RBFOX1: variants seen among roughly 807,000 people sequenced by gnomAD.
RBFOX1 encodes RNA binding fox-1 homolog 1.
In RBFOX1, 8 loss-of-function variants were observed where a neutral mutation model predicts 57.7. That is an observed-to-expected ratio of 0.14 (90% CI 0.08 to 0.25). RBFOX1 has a LOEUF of 0.25. Among genes scored for constraint, RBFOX1 ranks in the 10% least tolerant of loss-of-function variants. The pLI is 1.00. For synonymous variants in RBFOX1, 326 were observed against 222.4 expected (o/e 1.47, Z -4.15); for missense variants, 611 against 548.5 (o/e 1.11, Z -1.14).
intron 4 of RBFOX1, among the ~76,000 whole-genome samples, chr16:7,470,563 G>T (rs144826618): frequency 6.6e-6 from 1 of 152,166 alleles, no homozygotes; most frequent in Non-Finnish European, 1.5e-5. Context: ...GTGGTAGGCA[G>T]ATGAGGTGAT....
At position 6,819,809 on chromosome 16, in the gene RBFOX1, G is replaced by A. The variant is rs144379952; in HGVS notation, c.-16+165159G>A. Among the ~76,000 whole-genome samples the A allele has an allele frequency of 4.1e-3, 621 of 151,360 alleles. 8 individuals carry two copies. Among genetic ancestry groups the A allele is most frequent in the African/African-American group, 0.014 (571 of 41,216 alleles). ...AAAGGAACTTGTTGATTACGACACT[G>A]GTAATTTACAGAAGAGCAAGCATTT... is the stretch of plus-strand genomic sequence containing the variant. On this transcript the variant is annotated intron_variant, in intron 3 of 15. Coordinates refer to ENST00000550418, the MANE Select transcript of RBFOX1 (RefSeq NM_018723.4).
intron 4 of RBFOX1, among the ~76,000 whole-genome samples, chr16:7,219,570 A>G (rs560480596): frequency 6.6e-6 from 1 of 152,348 alleles, no homozygotes; most frequent in East Asian, 1.9e-4. Context: ...TGTAGTGCCC[A>G]GAAAATATGA....
At chr16:6,088,473 C>A (rs549350935) in intron 1 of RBFOX1, among the ~76,000 whole-genome samples, 1 of 152,100 alleles carries the variant, frequency 6.6e-6, no homozygotes. Flanking sequence ...TCCTATCCAC[C>A]ATTCAACCAT....
At chr16:5,808,142 A>G (rs1423285913) in intron 3 of RBFOX1, among the ~76,000 whole-genome samples, 1 of 152,194 alleles carries the variant, frequency 6.6e-6, no homozygotes, top group African/African-American at 2.4e-5. Flanking sequence ...TAGGATTCCA[A>G]AGAAGTAATT....
chr16:5,944,790 T>TTAAAAAAAAAAAAA (rs2059360399), intron 4 of RBFOX1, among the ~76,000 whole-genome samples: 1 of 41,258 alleles, frequency 2.4e-5, no homozygotes, highest in African/African-American at 1.0e-4. Context: ...CTGTCTCTGC[T>TTAAAAAAAAAAAAA]AAAAAAAAAA....
intron 2 of RBFOX1, among the ~76,000 whole-genome samples, chr16:6,438,233 A>G (rs2094289152): frequency 6.6e-6 from 1 of 152,258 alleles, no homozygotes; most frequent in Non-Finnish European, 1.5e-5. Context: ...TAAATGCCTG[A>G]CGCTGTGCTC....
At chr16:6,274,228 T>C (rs1599059176) in intron 1 of RBFOX1, among the ~76,000 whole-genome samples, 1 of 152,312 alleles carries the variant, frequency 6.6e-6, no homozygotes, top group East Asian at 1.9e-4. Context: ...TGGAAACATG[T>C]TCACACAAAA....
chr16:6,801,559 A>C (rs1469691361), intron 3 of RBFOX1, among the ~76,000 whole-genome samples: 1 of 152,116 alleles, frequency 6.6e-6, no homozygotes, highest in Non-Finnish European at 1.5e-5. Flanking sequence ...AGGGTGCAGC[A>C]AAAGGAAGCC....
intron 10 of RBFOX1, among the ~76,000 whole-genome samples, chr16:7,609,523 A>G (rs950766223): frequency 6.6e-6 from 1 of 152,196 alleles, no homozygotes; most frequent in Non-Finnish European, 1.5e-5. Flanking sequence ...CCCAGGGCCC[A>G]GGTTCAGAAG....
chr16:6,931,954 C>CAAAAA (rs2076631665), intron 3 of RBFOX1, among the ~76,000 whole-genome samples: 1 of 152,084 alleles, frequency 6.6e-6, no homozygotes, highest in Non-Finnish European at 1.5e-5. Context: ...TGAAGTCATC[C>CAAAAA]TTTTAATCAG....
At chr16:6,901,144 T>C (rs1370799732) in intron 3 of RBFOX1, among the ~76,000 whole-genome samples, 3 of 152,152 alleles carry the variant, frequency 2.0e-5, no homozygotes, top group African/African-American at 7.2e-5. Flanking sequence ...TGTTAGACTG[T>C]CTCTTTCATG....
chr16:5,583,824 T>G (rs2046750478), intron 2 of RBFOX1, among the ~76,000 whole-genome samples: 2 of 152,226 alleles, frequency 1.3e-5, no homozygotes, highest in African/African-American at 4.8e-5. Context: ...GTTATAAGTC[T>G]GCTGAAATAA....
intron 1 of RBFOX1, among the ~76,000 whole-genome samples, chr16:6,027,024 T>G (rs990354555): frequency 6.6e-6 from 1 of 152,284 alleles, no homozygotes; most frequent in Non-Finnish European, 1.5e-5. Flanking sequence ...ATGGATGAAC[T>G]TGTGCAATCA....
chr16:7,054,460 C>T (rs981445957), intron 4 of RBFOX1, among the ~76,000 whole-genome samples: 9 of 149,008 alleles, frequency 6.0e-5, no homozygotes. Context: ...CCAGGATGGT[C>T]TCGATCTCCT....
chr16:5,955,966 A>C (rs1471756606), intron 4 of RBFOX1, among the ~76,000 whole-genome samples: 1 of 152,152 alleles, frequency 6.6e-6, no homozygotes, highest in Non-Finnish European at 1.5e-5. Context: ...ACATCTAACA[A>C]ATAAAAATAC....
chr16:7,613,033 A>G (rs537172153), intron 10 of RBFOX1, among the ~76,000 whole-genome samples: 1 of 152,360 alleles, frequency 6.6e-6, no homozygotes, highest in East Asian at 1.9e-4. Context: ...CAATAGGGAA[A>G]GGCAAAGATC....
At chr16:5,486,920 C>A (rs1307802217) in intron 2 of RBFOX1, among the ~76,000 whole-genome samples, 1 of 152,176 alleles carries the variant, frequency 6.6e-6, no homozygotes, top group African/African-American at 2.4e-5. Flanking sequence ...AGCAGCCTCT[C>A]TCAGACCTGA....
At chr16:5,426,091 G>A (rs1055896993) in intron 1 of RBFOX1, among the ~76,000 whole-genome samples, 25 of 152,108 alleles carry the variant, frequency 1.6e-4, no homozygotes, top group Admixed American at 1.4e-3. Context: ...CTTCCAAATC[G>A]ATTTCACATT....
At chr16:6,740,642 GA>G (rs1343435916) in intron 3 of RBFOX1, among the ~76,000 whole-genome samples, 1 of 151,990 alleles carries the variant, frequency 6.6e-6, no homozygotes, top group Non-Finnish European at 1.5e-5. Flanking sequence ...TAATCACCCA[GA>G]AAAAAGGGAA....
Sources: allele counts gnomAD v4.1 joint callset (sites outside exome capture counted in the v4.1 genomes callset), GRCh38; gene constraint gnomAD v4.1.1; transcripts MANE v1.5; gene names NCBI Gene and HGNC (gene_info 2026-07-23, HGNC 2026-07-21).